HMCN2: variants seen among roughly 807,000 people sequenced by gnomAD.
HMCN2 encodes hemicentin-2.
A neutral mutation model predicts 377.5 loss-of-function variants in HMCN2; 325 were observed. The ratio of observed to expected loss-of-function variants is 0.86; its 90% CI spans 0.79 to 0.94. The LOEUF is 0.94. Among genes scored for constraint, HMCN2 ranks in the 40% least tolerant of loss-of-function variants. The probability of loss-of-function intolerance (pLI) is 0.00; values close to 1 mark genes in which losing one functional copy is unlikely to be tolerated. For synonymous variants in HMCN2, 2,007 were observed against 2,046.8 expected (o/e 0.98, Z 0.53); for missense variants, 4,543 against 4,725.3 (o/e 0.96, Z 1.13).
chr9:130,283,070 C>CAATA (rs1233947288), intron 1 of HMCN2, among the ~76,000 whole-genome samples: 1 of 151,992 alleles, frequency 6.6e-6, no homozygotes, highest in African/African-American at 2.4e-5. Context: ...GACTCTTTCT[C>CAATA]AATAAATAAA....
chr9:130,336,757 T>C (rs1366699406), intron 22 of HMCN2, among the ~76,000 whole-genome samples: 3 of 152,216 alleles, frequency 2.0e-5, no homozygotes, highest in Non-Finnish European at 2.9e-5. Flanking sequence ...AGTTCTCAGC[T>C]GGTAGCCCGA....
chr9:130,344,692 G>A (rs1045645404), intron 25 of HMCN2, among the ~76,000 whole-genome samples: 5 of 149,342 alleles, frequency 3.3e-5, no homozygotes, highest in Non-Finnish European at 1.5e-5. Flanking sequence ...TGTGTATGTA[G>A]TGTGTGTGTA....
Position 130,392,018 on chromosome 9 carries a change from G to A in HMCN2, c.10036G>A (p.Val3346Met), listed in dbSNP as rs1394468301. 4 of 988,240 alleles carry A rather than the reference G, an allele frequency of 4.0e-6. No homozygotes were observed. The highest frequency in any genetic ancestry group is 2.8e-4 in the Middle Eastern group (1 of 3,566). The allele number at this position is 988,240 out of a possible 1,614,324, so 61.2% of individuals were successfully genotyped here. Residue 3346 changes from valine to methionine, a missense_variant, in exon 66 of 98, where the codon GTG becomes ATG. Around this residue, in one of 5 missense-constraint regions of HMCN2, gnomAD observed 1,073 missense variants for 1,319.5 expected, o/e 0.81. Transcript: ENST00000683500. ...GGAGCTGGTGACCATGGTGTGCCCTGTGCGGGGCTCCCCGCCCATCCACGT... is the reference window on the plus strand; with the variant it reads ...GGAGCTGGTGACCATGGTGTGCCCTATGCGGGGCTCCCCGCCCATCCACGT... ...PGELVTMVCPVRGSPPIHVSW... is the reference protein window; with the variant it reads ...PGELVTMVCPMRGSPPIHVSW...
rs773468055 is a variant in HMCN2 at position 130,395,014 on chromosome 9, G to T, written c.10693-13G>T. 3.4e-4 allele frequency: 436 copies of T among 1,281,026 alleles called. No individual in the cohort carries two copies. Among genetic ancestry groups the T allele is most frequent in the Non-Finnish European group, 3.3e-4 (327 of 983,670 alleles). The allele number at this position is 1,281,026 out of a possible 1,614,324, so 79.4% of individuals were successfully genotyped here. ...GGGGCCAGGGGCAGCTGCTCAACCCGCTCCATCCCCAGGTTAGGGATGCTG... is the reference window on the plus strand; with the variant it reads ...GGGGCCAGGGGCAGCTGCTCAACCCTCTCCATCCCCAGGTTAGGGATGCTG... On this transcript the variant is annotated splice_polypyrimidine_tract_variant and intron_variant, in intron 69 of 97. Coordinates refer to ENST00000683500, the MANE Select transcript of HMCN2 (RefSeq NM_001291815.2).
intron 71 of HMCN2, 119 bp from the exon 72 acceptor site, chr9:130,395,805 T>C: frequency 9.2e-7 from 1 of 1,089,124 alleles, no homozygotes; most frequent in South Asian, 1.5e-5. Flanking sequence ...GCGGTCAGCC[T>C]GGAAGTACAG....
chr9:130,388,756 G>T (rs945828688), intron 62 of HMCN2, among the ~76,000 whole-genome samples: 1 of 151,344 alleles, frequency 6.6e-6, no homozygotes, highest in Non-Finnish European at 1.5e-5. Flanking sequence ...TCCTGTGAGG[G>T]TTTGGAAGCT....
In HMCN2 at chr9:130,418,848, C is replaced by T. The variant is rs1843829366; in HGVS notation, c.13038C>T (p.Ala4346=). The T allele has an allele frequency of 9.1e-6, 14 of 1,546,690 alleles. No homozygotes were observed. The highest frequency in any genetic ancestry group is 1.2e-5 in the Non-Finnish European group (14 of 1,144,556). Residue 4346 remains alanine, a synonymous_variant, in exon 86 of 98, where the codon GCC becomes GCT. Coordinates refer to ENST00000683500, the MANE Select transcript of HMCN2 (RefSeq NM_001291815.2). ...ATGACGTGGCCCTGCGGTGCCAGGC[C>T]ACTGGAGAGCCCACACCCACCATTG... ...SGDDVALRCQ[A]TGEPTPTIEW...
At chr9:130,348,114 C>A in intron 26 of HMCN2, 1 of 866,234 alleles carries the variant, frequency 1.2e-6, no homozygotes, top group Non-Finnish European at 1.4e-6. Context: ...CAGCTCCTAA[C>A]GCCACCTGCT....
Position 130,375,158 on chromosome 9 carries a change from G to A in HMCN2, c.7631-405G>A, listed in dbSNP as rs1160961751. ...GGCAGTTAAAAGGAGAGTCCCCTGC[G>A]GGAGTTGAAAGAAGAAATCTTGGGA... On this transcript the variant is annotated intron_variant, in intron 49 of 97. Coordinates refer to ENST00000683500, the MANE Select transcript of HMCN2 (RefSeq NM_001291815.2). Among the ~76,000 whole-genome samples, 5 of 152,204 alleles carry A rather than the reference G, an allele frequency of 3.3e-5. No homozygotes were observed. In the South Asian group the frequency reaches 6.2e-4, roughly 19 times the overall value.
intron 58 of HMCN2, 54 bp from the exon 59 acceptor site, chr9:130,384,631 A>G: frequency 7.7e-7 from 1 of 1,301,030 alleles, no homozygotes; most frequent in African/African-American, 1.5e-5. Context: ...GCAGGGATTT[A>G]GGACTGGGGG....
intron 85 of HMCN2, among the ~76,000 whole-genome samples, chr9:130,416,977 A>G (rs1011665105): frequency 3.9e-5 from 6 of 151,906 alleles, no homozygotes; most frequent in South Asian, 2.1e-4. Context: ...CAGTGGCGCA[A>G]TCTCGGCTAC....
chr9:130,391,742 C>T (rs980955223), intron 65 of HMCN2, among the ~76,000 whole-genome samples, 168 bp downstream of exon 65: 14 of 152,158 alleles, frequency 9.2e-5, no homozygotes, highest in Admixed American at 5.2e-4. Flanking sequence ...CAGGGTATAG[C>T]GGAGATTCGG....
rs117757327 is a variant in HMCN2, at chr9:130,302,337, C to T, written c.1277-520C>T. Among the ~76,000 whole-genome samples, 293 of 152,298 alleles carry T rather than the reference C, an allele frequency of 1.9e-3. 1 individual carries two copies. Among genetic ancestry groups the T allele is most frequent in the East Asian group, 0.012 (63 of 5,174 alleles). Reference sequence around the variant, plus strand: ...CTGGGATTACAGGCGTGAGCCATCGCGCCTGGACTGGTGGGCTCATTTTTA... The same window carrying T: ...CTGGGATTACAGGCGTGAGCCATCGTGCCTGGACTGGTGGGCTCATTTTTA... On this transcript the variant is annotated intron_variant, in intron 8 of 97. Coordinates refer to ENST00000683500, the MANE Select transcript of HMCN2 (RefSeq NM_001291815.2).
intron 15 of HMCN2, among the ~76,000 whole-genome samples, chr9:130,318,417 GC>G (rs1231999116): frequency 2.0e-5 from 3 of 152,198 alleles, no homozygotes; most frequent in Non-Finnish European, 4.4e-5. Context: ...CCCAGAGGCT[GC>G]CGAGGGAAGG....
Position 130,428,427 on chromosome 9 carries a change from C to T in HMCN2, c.14135C>T (p.Ser4712Phe), listed in dbSNP as rs1172711914. 3 of 1,546,796 alleles carry T rather than the reference C, an allele frequency of 1.9e-6. No homozygotes were observed. Among genetic ancestry groups the T allele is most frequent in the East Asian group, 4.9e-5 (2 of 40,918 alleles). The change falls in exon 93 of 98, where the codon TCC (serine) becomes TTC (phenylalanine). Residue 4712 changes from serine to phenylalanine, a missense_variant. Ser to Phe is a radical substitution (Grantham distance 155). Coordinates refer to ENST00000683500, the MANE Select transcript of HMCN2 (RefSeq NM_001291815.2). This position sits in a 1 kb window ranked among gnomAD's most constrained non-coding sequence, Gnocchi z 5.0. ...EGQRCVNLLG[S>F]YRCLPDCGPG... ...CAGCGCTGTGTGAACCTGCTCGGGT[C>T]CTACCGCTGCCTCCCCGACTGTGGG...
In HMCN2 at chr9:130,391,256, A is replaced by G; in HGVS notation, c.9720A>G (p.Glu3240=). ...SGVAREHHVL[E]GQEVRLDCEA... ...TGGCGCGGGAGCACCATGTCTTGGA[A>G]GGGCAGGAGGTGCGGCTGGACTGTG... The change falls in exon 64 of 98, where the codon GAA becomes GAG. Residue 3240 remains glutamate (E), a synonymous_variant. Transcript: ENST00000683500. 1.0e-6 allele frequency: 1 copy of G among 987,716 alleles called. No individual in the cohort carries two copies. The highest frequency in any genetic ancestry group is 1.2e-6 in the Non-Finnish European group (1 of 830,126). 61.2% of individuals were successfully genotyped at this position (987,716 alleles called of 1,614,324 possible). A position where few individuals can be genotyped will look rare whatever the true frequency, so the allele number is the denominator to read the frequency against.
intron 62 of HMCN2, among the ~76,000 whole-genome samples, chr9:130,389,514 G>A (rs1318486001): frequency 4.0e-5 from 6 of 151,882 alleles, no homozygotes; most frequent in Non-Finnish European, 7.4e-5. Context: ...TTTTGTGTCT[G>A]GCTTCTTCCA....
intron 85 of HMCN2, among the ~76,000 whole-genome samples, chr9:130,416,487 C>T (rs1843706775): frequency 6.6e-6 from 1 of 152,146 alleles, no homozygotes; most frequent in Non-Finnish European, 1.5e-5. Flanking sequence ...TGGCATTCGT[C>T]CATATTGTTC....
Position 130,376,528 on chromosome 9 carries a change from T to C in HMCN2, c.7931T>C (p.Ile2644Thr). ...YHVEVLIPPS[I>T]SKDDPLAEVG... ...TCGTGCTTTTCAGTCCCCCCTTCCA[T>C]CTCCAAAGACGACCCCTTGGCGGAG... is the stretch of plus-strand genomic sequence containing the variant. The change falls in exon 52 of 98, where the codon ATC becomes ACC. Residue 2644 changes from isoleucine (I) to threonine (T), a missense_variant. This residue lies in a region of HMCN2 where 736 missense variants were observed against 773.2 expected (regional missense o/e 0.95). Coordinates refer to ENST00000683500, the MANE Select transcript of HMCN2 (RefSeq NM_001291815.2). The C allele has an allele frequency of 1.0e-6, 1 of 985,688 alleles. No homozygotes were observed. The highest frequency in any genetic ancestry group is 1.2e-6 in the Non-Finnish European group (1 of 829,944). The allele number at this position is 985,688 out of a possible 1,614,324, so 61.1% of individuals were successfully genotyped here.
Sources: allele counts gnomAD v4.1 joint callset (sites outside exome capture counted in the v4.1 genomes callset), GRCh38; gene constraint gnomAD v4.1.1; regional missense constraint gnomAD v4.1.1; non-coding constraint Gnocchi (gnomAD v3.1); transcripts MANE v1.5; gene names NCBI Gene and HGNC (gene_info 2026-07-23, HGNC 2026-07-21).